Variants in RGS7 observed in about 807,000 individuals in gnomAD.
RGS7 encodes the protein regulator of G protein signaling 7, also known as regulator of G-protein signaling 7.
RGS7 carries 27 observed loss-of-function variants against 81.1 expected under a neutral mutation model. That is an observed-to-expected ratio of 0.33 (90% CI 0.25 to 0.46). The LOEUF is 0.46. RGS7 is among the 20% of genes least tolerant of loss of function. The pLI is 1.00. For missense variants in RGS7, 396 were observed against 607.4 expected (o/e 0.65, Z 3.66); for synonymous variants, 208 against 207.7 (o/e 1.00, Z -0.01).
intron 4 of RGS7, among the ~76,000 whole-genome samples, chr1:240,968,384 T>C (rs141423217): frequency 6.3e-4 from 96 of 152,274 alleles, no homozygotes; most frequent in African/African-American, 2.1e-3. Flanking sequence ...AATCACAATC[T>C]GAGCATGTGC....
intron 5 of RGS7, among the ~76,000 whole-genome samples, chr1:240,934,844 C>T (rs1195262567): frequency 7.0e-6 from 1 of 142,774 alleles, no homozygotes; most frequent in African/African-American, 2.6e-5. Context: ...TCCTTTTCTC[C>T]TGTGTGTATG....
At chr1:241,241,240 C>T (rs937811843) in intron 2 of RGS7, among the ~76,000 whole-genome samples, 1 of 152,010 alleles carries the variant, frequency 6.6e-6, no homozygotes, top group Non-Finnish European at 1.5e-5. Flanking sequence ...CTTCTTGGAC[C>T]TCTTGCCCAA....
chr1:241,294,146 C>G lies in RGS7; in HGVS notation c.78+61553G>C, dbSNP rs11591178. 9.4e-4 allele frequency among the ~76,000 whole-genome samples: 143 copies of G among 152,062 alleles called. 3 individuals are homozygous for G. The East Asian group carries it at 0.026, about 28-fold the overall frequency. ...TGAGTTCATGTCCTTTGCTGGGACA[C>G]GGATGAAGCTGGAAGCCATCATTCT... is the stretch of plus-strand genomic sequence containing the variant. On this transcript the variant is annotated intron_variant, in intron 2 of 18. Coordinates refer to ENST00000440928, the MANE Select transcript of RGS7 (RefSeq NM_001364886.1).
intron 2 of RGS7, among the ~76,000 whole-genome samples, chr1:241,111,361 A>T (rs1346416299): frequency 6.6e-6 from 1 of 152,204 alleles, no homozygotes; most frequent in Admixed American, 6.5e-5. Flanking sequence ...GTATTCGTAC[A>T]TCCATAAATG....
At chr1:240,867,830 A>G (rs1209998260) in intron 9 of RGS7, among the ~76,000 whole-genome samples, 1 of 151,996 alleles carries the variant, frequency 6.6e-6, no homozygotes, top group African/African-American at 2.4e-5. Context: ...GCAAAACTCC[A>G]TCTCTATCAA....
rs555590204 is a variant in RGS7, at chr1:240,979,730, C to T, written c.226+3349G>A. Among the ~76,000 whole-genome samples the T allele has an allele frequency of 4.1e-4, 62 of 152,234 alleles. 2 individuals are homozygous for T. Among genetic ancestry groups the T allele is most frequent in the African/African-American group, 1.3e-3 (56 of 41,534 alleles). ...GAGGAACCTAGGACAGAAACCTGAA[C>T]CTTCCAACATTTATGGATTAGCTGA... On this transcript the variant is annotated intron_variant, in intron 4 of 18. Coordinates refer to ENST00000440928, the MANE Select transcript of RGS7 (RefSeq NM_001364886.1).
At chr1:240,932,274 T>G (rs1453661872) in intron 5 of RGS7, among the ~76,000 whole-genome samples, 1 of 152,158 alleles carries the variant, frequency 6.6e-6, no homozygotes, top group Non-Finnish European at 1.5e-5. Flanking sequence ...ACAGTAGTTT[T>G]GTGAACATGA....
At chr1:241,076,454 T>G (rs528402240) in intron 3 of RGS7, among the ~76,000 whole-genome samples, 1 of 152,334 alleles carries the variant, frequency 6.6e-6, no homozygotes, top group Admixed American at 6.5e-5. Context: ...TGTGGGCTCC[T>G]CACTCGGAGC....
At chr1:241,176,078 T>C (rs985053319) in intron 2 of RGS7, among the ~76,000 whole-genome samples, 7 of 152,086 alleles carry the variant, frequency 4.6e-5, no homozygotes, top group African/African-American at 1.2e-4. Flanking sequence ...GTCCTGTGAG[T>C]GTATGATGAA....
intron 2 of RGS7, among the ~76,000 whole-genome samples, chr1:241,156,117 TAGAA>T (rs1169875375): frequency 6.8e-6 from 1 of 147,918 alleles, no homozygotes; most frequent in Non-Finnish European, 1.5e-5. Context: ...AGATAGAGGA[TAGAA>T]AGATAAATGA....
intron 4 of RGS7, among the ~76,000 whole-genome samples, chr1:240,959,023 C>T (rs1453568323): frequency 1.3e-5 from 2 of 152,194 alleles, no homozygotes; most frequent in Non-Finnish European, 2.9e-5. Flanking sequence ...CAGAACGTAT[C>T]ATTTGAACTG....
chr1:241,106,752 C>CCACCACACACACACA (rs1553421291), intron 2 of RGS7, among the ~76,000 whole-genome samples: 3 of 121,684 alleles, frequency 2.5e-5, no homozygotes, highest in African/African-American at 9.9e-5. Flanking sequence ...AACACCACCA[C>CCACCACACACACACA]CACACACACA....
At chr1:241,027,415 TA>T (rs1439513595) in intron 3 of RGS7, among the ~76,000 whole-genome samples, 1 of 152,104 alleles carries the variant, frequency 6.6e-6, no homozygotes, top group Admixed American at 6.6e-5. Context: ...TGATCTTAAG[TA>T]GGGGAATAAT....
intron 3 of RGS7, among the ~76,000 whole-genome samples, chr1:241,056,609 C>T (rs938407700): frequency 6.6e-6 from 1 of 152,114 alleles, no homozygotes; most frequent in Non-Finnish European, 1.5e-5. Context: ...TAATGGGAAA[C>T]CTTTGGTCTC....
At chr1:241,009,328 T>C (rs1030261250) in intron 3 of RGS7, among the ~76,000 whole-genome samples, 1 of 152,226 alleles carries the variant, frequency 6.6e-6, no homozygotes, top group Non-Finnish European at 1.5e-5. Flanking sequence ...ACCTTAACTT[T>C]TCAGCTTGGG....
At chr1:241,053,752 A>G (rs1462168139) in intron 3 of RGS7, among the ~76,000 whole-genome samples, 1 of 152,168 alleles carries the variant, frequency 6.6e-6, no homozygotes, top group African/African-American at 2.4e-5. Context: ...GTGGGAGATA[A>G]CTGAATCAAG....
Position 240,776,225 on chromosome 1 carries a change from T to A in RGS7, c.*7-12A>T, listed in dbSNP as rs370452713. The A allele has an allele frequency of 6.3e-7, 1 of 1,599,248 alleles. No homozygotes were observed. Among genetic ancestry groups the A allele is most frequent in the Non-Finnish European group, 8.6e-7 (1 of 1,166,518 alleles). On this transcript the variant is annotated splice_polypyrimidine_tract_variant and intron_variant, in intron 18 of 18. Coordinates refer to ENST00000440928, the MANE Select transcript of RGS7 (RefSeq NM_001364886.1). Reference sequence around the variant, plus strand: ...GTGAGAGATTTCCCCTGAGAAAATATATAAAACAAGAGAAAAGAAAGAAAA... The same window carrying A: ...GTGAGAGATTTCCCCTGAGAAAATAAATAAAACAAGAGAAAAGAAAGAAAA...
Position 241,254,910 on chromosome 1 carries a change from A to T in RGS7, c.78+100789T>A, listed in dbSNP as rs115221246. ...GCCAAAAGTCACCAACTCTATGCTG[A>T]AACACCCACTACATAGCATCACAGA... On this transcript the variant is annotated intron_variant, in intron 2 of 18. Transcript: ENST00000440928. Among the ~76,000 whole-genome samples the T allele has an allele frequency of 7.7e-3, 1,167 of 152,318 alleles. 9 individuals carry two copies. Among genetic ancestry groups the T allele is most frequent in the Non-Finnish European group, 0.013 (852 of 68,030 alleles).
chr1:241,206,958 T>TG (rs1201903942), intron 2 of RGS7, among the ~76,000 whole-genome samples: 1 of 130,886 alleles, frequency 7.6e-6, no homozygotes, highest in Admixed American at 8.5e-5. Context: ...TTTCTCTCTC[T>TG]GGTTTTTTTT....
Sources: allele counts gnomAD v4.1 joint callset (sites outside exome capture counted in the v4.1 genomes callset), GRCh38; gene constraint gnomAD v4.1.1; transcripts MANE v1.5; gene names NCBI Gene and HGNC (gene_info 2026-07-23, HGNC 2026-07-21).